Variants in CUX1 observed in about 807,000 individuals in gnomAD.
CUX1 encodes the protein cut like homeobox 1.
In CUX1, 31 loss-of-function variants were observed where a neutral mutation model predicts 158.8. The observed-to-expected ratio is 0.20, with a 90% confidence interval of 0.15 to 0.26. The LOEUF (loss-of-function observed/expected upper bound fraction) is 0.26. Among genes scored for constraint, CUX1 ranks in the 10% least tolerant of loss-of-function variants. The pLI, the probability that CUX1 is intolerant of heterozygous loss-of-function variation, is 1.00. For synonymous variants in CUX1, 879 were observed against 862.1 expected (o/e 1.02, Z -0.34); for missense variants, 1,589 against 2,014.6 (o/e 0.79, Z 4.04).
chr7:102,063,357 T>G (rs1175524570), intron 3 of CUX1, among the ~76,000 whole-genome samples: 1 of 147,966 alleles, frequency 6.8e-6, no homozygotes, highest in Admixed American at 6.7e-5. Context: ...CACAGAGAAC[T>G]CTTTACATAT....
chr7:101,942,308 A>G (rs577405556), intron 2 of CUX1, among the ~76,000 whole-genome samples: 1 of 152,354 alleles, frequency 6.6e-6, no homozygotes, highest in Non-Finnish European at 1.5e-5. Flanking sequence ...TTCACAGAAT[A>G]AGTGAAATGG....
intron 1 of CUX1, among the ~76,000 whole-genome samples, chr7:101,908,450 T>TTTGTTTG (rs1803010972): frequency 3.3e-5 from 5 of 150,176 alleles, no homozygotes; most frequent in Admixed American, 3.3e-4. Flanking sequence ...CCAGCCTGTT[T>TTTGTTTG]TTTGTTTGTT....
chr7:102,270,281 G>A (rs1308911106), intron 14 of CUX1, among the ~76,000 whole-genome samples: 5 of 152,208 alleles, frequency 3.3e-5, no homozygotes, highest in African/African-American at 7.2e-5. Flanking sequence ...GGACCCTCCC[G>A]TGGCCGGTGA....
intron 2 of CUX1, among the ~76,000 whole-genome samples, chr7:102,001,505 A>G (rs931357899): frequency 1.3e-5 from 2 of 151,800 alleles, no homozygotes; most frequent in Non-Finnish European, 2.9e-5. Context: ...CATCACACCA[A>G]GCTAATTTTT....
chr7:102,180,288 C>T (rs913211942), intron 11 of CUX1, among the ~76,000 whole-genome samples: 1 of 149,800 alleles, frequency 6.7e-6, no homozygotes, highest in East Asian at 2.0e-4. Flanking sequence ...TCCCAAAGTG[C>T]TGGGATTACA....
At chr7:102,105,807 C>T (rs1272257087) in intron 6 of CUX1, among the ~76,000 whole-genome samples, 1 of 151,964 alleles carries the variant, frequency 6.6e-6, no homozygotes, top group Non-Finnish European at 1.5e-5. Flanking sequence ...GCCACCACGG[C>T]TGGCCTAGAT....
rs540721211 is a variant in CUX1, at chr7:102,009,540, G to A, written c.142-18558G>A. ...ACTCCTGACCTCAAGTGATCCTCCC[G>A]CCTTGGCCTCCCAAAGTGTTGAGAT... On this transcript the variant is annotated intron_variant, in intron 2 of 23. Coordinates refer to ENST00000292535, the MANE Select transcript of CUX1 (RefSeq NM_181552.4). 5.3e-5 allele frequency among the ~76,000 whole-genome samples: 8 copies of A among 152,288 alleles called. No homozygotes were observed. The East Asian group carries it at 1.2e-3, about 22-fold the overall frequency.
At chr7:102,280,734 T>C in intron 19 of CUX1, 6 of 1,531,794 alleles carry the variant, frequency 3.9e-6, no homozygotes, top group South Asian at 1.1e-5. Flanking sequence ...GGCCAGGCCC[T>C]GCTCTCTGCC....
chr7:102,185,138 G>A (rs1340806259), intron 11 of CUX1, among the ~76,000 whole-genome samples: 2 of 152,164 alleles, frequency 1.3e-5, no homozygotes, highest in Non-Finnish European at 2.9e-5. Flanking sequence ...CAGAGCCCCT[G>A]GAGAAACAGA....
intron 4 of CUX1, among the ~76,000 whole-genome samples, chr7:102,073,358 A>T (rs906443152): frequency 6.6e-6 from 1 of 151,664 alleles, no homozygotes; most frequent in Non-Finnish European, 1.5e-5. Context: ...ACTTTAGTAG[A>T]GACGGGGTTT....
Position 102,251,065 on chromosome 7 carries a change from G to A in CUX1, c.*2023G>A. The A allele has an allele frequency of 2.3e-5, 23 of 985,126 alleles. No homozygotes were observed. The highest frequency in any genetic ancestry group is 2.7e-5 in the Non-Finnish European group (22 of 829,802). 61.0% of individuals were successfully genotyped at this position (985,126 alleles called of 1,614,324 possible). A position where few individuals can be genotyped will look rare whatever the true frequency, so the allele number is the denominator to read the frequency against. ...CAAATATTCTTTAGAGGGATAGACT[G>A]CCGGCAGTATTGGGTATAATTTACA... On this transcript the variant is annotated 3_prime_UTR_variant, in exon 24 of 24. Transcript: ENST00000292535.
chr7:102,130,127 G>A (rs1554496688), intron 8 of CUX1, among the ~76,000 whole-genome samples: 3 of 152,088 alleles, frequency 2.0e-5, no homozygotes, highest in Admixed American at 6.6e-5. Context: ...AAAGACAGTG[G>A]GGTGTCTCAT....
At position 102,257,444 on chromosome 7, in the gene CUX1, T is replaced by C. The variant is rs1174775536; in HGVS notation, c.*8402T>C. 1 of 985,250 alleles carries C rather than the reference T, an allele frequency of 1.0e-6. No individual in the cohort carries two copies. Among genetic ancestry groups the C allele is most frequent in the African/African-American group, 1.7e-5 (1 of 57,210 alleles). 61.0% of individuals were successfully genotyped at this position (985,250 alleles called of 1,614,324 possible). On this transcript the variant is annotated 3_prime_UTR_variant, in exon 24 of 24. Transcript: ENST00000292535. ...TGGAAAAAAAAAATCCCGTGTATTC[T>C]GGAGATGTGAGAATTCACCCAAAAT...
At chr7:102,082,242 T>G (rs1248035092) in intron 4 of CUX1, among the ~76,000 whole-genome samples, 1 of 146,546 alleles carries the variant, frequency 6.8e-6, no homozygotes, top group African/African-American at 2.4e-5. Context: ...AAGTTTGAAT[T>G]GGGCCAGGCA....
At position 101,893,158 on chromosome 7, in the gene CUX1, C is replaced by CTTTTTTTTTTTT. The variant is rs10589615; in HGVS notation, c.31-22941_31-22930dup. On this transcript the variant is annotated intron_variant, in intron 1 of 23. Transcript: ENST00000292535. ...TTCTTTTTACTTTTTATTTTTATTACTTTTTTTTTTTTTTTTTTTTTTTTT... is the reference window on the plus strand; with the variant it reads ...TTCTTTTTACTTTTTATTTTTATTACTTTTTTTTTTTTTTTTTTTTTTTTTTTTTTTTTTTTT... 1.1e-4 allele frequency among the ~76,000 whole-genome samples: 7 copies of CTTTTTTTTTTTT among 64,952 alleles called. 2 individuals carry two copies. The highest frequency in any genetic ancestry group is 7.2e-4 in the Admixed American group (3 of 4,164). The allele number at this position is 64,952 out of a possible 152,430, so 42.6% of individuals were successfully genotyped here.
chr7:101,980,076 G>A (rs1459621413), intron 2 of CUX1, among the ~76,000 whole-genome samples: 1 of 152,248 alleles, frequency 6.6e-6, no homozygotes, highest in African/African-American at 2.4e-5. Flanking sequence ...GCTGTTTCTG[G>A]AAGGGCTCCC....
intron 2 of CUX1, among the ~76,000 whole-genome samples, chr7:101,979,076 AGAG>A (rs2129210396): frequency 1.3e-5 from 2 of 152,318 alleles, no homozygotes; most frequent in African/African-American, 4.8e-5. Flanking sequence ...TTTAAAGCCA[AGAG>A]TGTCCATTTA....
chr7:101,913,023 G>T (rs1399125745), intron 1 of CUX1: 1 of 163,860 alleles, frequency 6.1e-6, no homozygotes, highest in Non-Finnish European at 1.3e-5. Flanking sequence ...GGATAGGCAG[G>T]CTTGGTAGAT....
chr7:101,909,125 T>C (rs928276082), intron 1 of CUX1, among the ~76,000 whole-genome samples: 7 of 150,310 alleles, frequency 4.7e-5, no homozygotes, highest in African/African-American at 1.7e-4. Context: ...GGCGGGAGGA[T>C]CGCTTGAGGC....
Sources: gnomAD v4.1 joint callset for allele counts (sites outside exome capture counted in the v4.1 genomes callset) on GRCh38, gnomAD v4.1.1 for gene constraint, MANE v1.5 for transcripts, NCBI Gene and HGNC (gene_info 2026-07-23, HGNC 2026-07-21) for gene names.